The following CCNB3 variants were observed in gnomAD, a reference collection of about 807,000 sequenced individuals.
CCNB3 encodes the protein G2/mitotic-specific cyclin-B3.
CCNB3 carries 12 observed loss-of-function variants against 68.0 expected under a neutral mutation model. The observed-to-expected ratio is 0.18, with a 90% confidence interval of 0.11 to 0.29. The LOEUF (loss-of-function observed/expected upper bound fraction) is 0.29, where lower values mean the gene tolerates loss of function less well. Among genes scored for constraint, CCNB3 ranks in the 10% least tolerant of loss-of-function variants. CCNB3 has a pLI of 1.00. For missense variants in CCNB3, 904 were observed against 993.1 expected (o/e 0.91, Z 1.21); for synonymous variants, 354 against 388.9 (o/e 0.91, Z 1.06).
chrX:50,306,475 C>T (rs1045105828), intron 5 of CCNB3, among the ~76,000 whole-genome samples: 1 of 111,728 alleles, frequency 9.0e-6, no homozygotes, highest in Non-Finnish European at 1.9e-5. Context: ...TTCTTGCCTA[C>T]TTGCCCTAGC....
chrX:50,341,193 G>C (rs1018368788), intron 8 of CCNB3, among the ~76,000 whole-genome samples: 1 of 109,651 alleles, frequency 9.1e-6, no homozygotes, highest in Admixed American at 9.7e-5. Context: ...AGCCGGGCGT[G>C]GTGGCGGATG....
chrX:50,333,320 A>C lies in CCNB3; in HGVS notation c.3517-8882A>C, dbSNP rs1295875418. 9.0e-5 allele frequency among the ~76,000 whole-genome samples: 10 copies of C among 111,564 alleles called. 1 individual carries two copies. In the Admixed American group the frequency reaches 9.5e-4, roughly 11 times the overall value. On this transcript the variant is annotated intron_variant, in intron 8 of 12. Transcript: ENST00000376042. ...GTTGGATAAGCCTCCACCCATCCAG[A>C]GTAAGTACACACACGAACCAGCAAG...
chrX:50,285,130 T>C lies in CCNB3; in HGVS notation c.-34T>C. On this transcript the variant is annotated 5_prime_UTR_variant, in exon 3 of 13. Transcript: ENST00000376042. ...AAGAGCCTCTTTCTGATTACAGCCC[T>C]GCCTTGGACAAGACGCAGCTGAATC... 2 of 1,049,814 alleles carry C rather than the reference T, an allele frequency of 1.9e-6. No homozygotes were observed. The highest frequency in any genetic ancestry group is 3.7e-5 in the South Asian group (2 of 53,413). 86.5% of individuals were successfully genotyped at this position (1,049,814 alleles called of 1,213,427 possible).
At chrX:50,341,062 G>T in intron 8 of CCNB3, among the ~76,000 whole-genome samples, 1 of 111,684 alleles carries the variant, frequency 9.0e-6, no homozygotes, top group Non-Finnish European at 1.9e-5. Flanking sequence ...AGGCGTGGTG[G>T]CTCACACCTA....
At chrX:50,340,952 T>A (rs973806304) in intron 8 of CCNB3, among the ~76,000 whole-genome samples, 6 of 111,580 alleles carry the variant, frequency 5.4e-5, no homozygotes, top group African/African-American at 2.0e-4. Flanking sequence ...CAAATGAAAA[T>A]AGAAATACAA....
chrX:50,309,948 T>C lies in CCNB3; in HGVS notation c.1779T>C (p.Ile593=), dbSNP rs1921323560. ...KTSLSLQEKK[I]TQGKMSHLKK... is the part of the protein sequence containing the mutation. ...CGTTGTCTTTACAGGAAAAGAAAAT[T>C]ACTCAGGGGAAGATGTCCCACTTAA... is the stretch of plus-strand genomic sequence containing the variant. The change falls in exon 6 of 13, where the codon ATT becomes ATC. Residue 593 remains isoleucine, a synonymous_variant. Transcript: ENST00000376042. The C allele has an allele frequency of 8.3e-7, 1 of 1,207,969 alleles. No homozygotes were observed. Among genetic ancestry groups the C allele is most frequent in the Admixed American group, 2.2e-5 (1 of 45,672 alleles).
intron 7 of CCNB3, among the ~76,000 whole-genome samples, chrX:50,313,185 C>T (rs1921557895): frequency 9.0e-6 from 1 of 111,035 alleles, no homozygotes; most frequent in Admixed American, 9.7e-5. Flanking sequence ...TTCTAACTCT[C>T]TCAACAGAAC....
chrX:50,338,174 C>T (rs1406186636), intron 8 of CCNB3, among the ~76,000 whole-genome samples: 1 of 112,302 alleles, frequency 8.9e-6, no homozygotes, highest in African/African-American at 3.2e-5. Flanking sequence ...CACAGGGATG[C>T]TCCACAGGGC....
intron 8 of CCNB3, among the ~76,000 whole-genome samples, chrX:50,334,414 T>A (rs1201148218): frequency 8.9e-6 from 1 of 112,865 alleles, no homozygotes; most frequent in Non-Finnish European, 1.9e-5. Context: ...TGTTAGCCAA[T>A]GATGTCCTTT....
At chrX:50,332,917 TG>T (rs1335041422) in intron 8 of CCNB3, among the ~76,000 whole-genome samples, 13 of 111,705 alleles carry the variant, frequency 1.2e-4, no homozygotes, top group Non-Finnish European at 2.1e-4. Context: ...AGGGAGTGCC[TG>T]GAAGCCCCCC....
At chrX:50,208,907 G>T (rs73213603) in intron 1 of CCNB3, among the ~76,000 whole-genome samples, 49 of 111,619 alleles carry the variant, frequency 4.4e-4, no homozygotes, top group Admixed American at 1.6e-3. Flanking sequence ...ATTAATAATT[G>T]AATTTATTTA....
intron 1 of CCNB3, among the ~76,000 whole-genome samples, chrX:50,217,355 C>G (rs1170075832): frequency 2.9e-5 from 3 of 103,244 alleles, no homozygotes; most frequent in Non-Finnish European, 5.9e-5. Context: ...CTCACTGCAA[C>G]CTCCGCCTCC....
rs377632961 is a variant in CCNB3 at position 50,206,075 on chromosome X, C to T, written c.-113+1125C>T. Among the ~76,000 whole-genome samples, 33 of 108,720 alleles carry T rather than the reference C, an allele frequency of 3.0e-4. No individual in the cohort carries two copies. The East Asian group carries it at 3.2e-3, about 11-fold the overall frequency. 94.4% of individuals were successfully genotyped at this position (108,720 alleles called of 115,157 possible). A position where few individuals can be genotyped will look rare whatever the true frequency, so the allele number is the denominator to read the frequency against. On this transcript the variant is annotated intron_variant, in intron 1 of 12. Coordinates refer to ENST00000376042, the MANE Select transcript of CCNB3 (RefSeq NM_033031.3). ...ACCATCCTGGCCAACAAGGTGAAAC[C>T]CCGTCTCTACTAAAAATGCAAAAAC... is the stretch of plus-strand genomic sequence containing the variant.
intron 1 of CCNB3, among the ~76,000 whole-genome samples, chrX:50,205,769 C>G: frequency 1.8e-5 from 2 of 109,682 alleles, no homozygotes; most frequent in Middle Eastern, 9.3e-3. Context: ...TCCTGGCCAA[C>G]ATGGTGAAAC....
At chrX:50,331,644 G>A (rs1557218072) in intron 8 of CCNB3, among the ~76,000 whole-genome samples, 1 of 111,737 alleles carries the variant, frequency 8.9e-6, no homozygotes, top group African/African-American at 3.3e-5. Context: ...ATAACATGAA[G>A]TGACATTGAG....
chrX:50,314,012 C>G, intron 8 of CCNB3, 64 bp downstream of exon 8: 4 of 824,251 alleles, frequency 4.9e-6, no homozygotes, highest in Non-Finnish European at 7.2e-6. Context: ...GCTGCCAGGC[C>G]AAAAACATGG....
intron 1 of CCNB3, among the ~76,000 whole-genome samples, chrX:50,280,516 A>C (rs1007615120): frequency 1.7e-4 from 19 of 109,139 alleles, no homozygotes; most frequent in Non-Finnish European, 3.4e-4. Flanking sequence ...ATTTTATAGT[A>C]GGTAGCACGT....
At chrX:50,227,413 G>T (rs1190211131) in intron 1 of CCNB3, among the ~76,000 whole-genome samples, 1 of 78,258 alleles carries the variant, frequency 1.3e-5, no homozygotes, top group Non-Finnish European at 2.3e-5. Context: ...TATATACAGA[G>T]AATATTTATA....
intron 9 of CCNB3, among the ~76,000 whole-genome samples, chrX:50,346,391 C>A (rs1923405368): frequency 8.9e-6 from 1 of 111,822 alleles, no homozygotes; most frequent in Non-Finnish European, 1.9e-5. Context: ...TTGCTTCTGG[C>A]ACTGTAAGAA....
Sources: gnomAD v4.1 joint callset for allele counts (sites outside exome capture counted in the v4.1 genomes callset) on GRCh38, gnomAD v4.1.1 for gene constraint, MANE v1.5 for transcripts, NCBI Gene and HGNC (gene_info 2026-07-23, HGNC 2026-07-21) for gene names.